Variants in SLC7A13 observed in about 807,000 individuals in gnomAD.
SLC7A13 encodes solute carrier family 7 member 13, also known as X-amino acid transporter 2.
In SLC7A13, 31 loss-of-function variants were observed where a neutral mutation model predicts 32.0. The observed-to-expected ratio is 0.97, with a 90% CI of 0.73 to 1.31. The LOEUF (loss-of-function observed/expected upper bound fraction) is 1.31. Among genes scored for constraint, SLC7A13 ranks in the 50% most tolerant of loss-of-function variants. SLC7A13 has a pLI of 0.00. For missense variants in SLC7A13, 633 were observed against 546.9 expected (o/e 1.16, Z -1.57); for synonymous variants, 232 against 206.9 (o/e 1.12, Z -1.04).
Position 86,217,500 on chromosome 8 carries a change from G to A in SLC7A13, c.1149C>T (p.Tyr383=), listed in dbSNP as rs184231310. ...LLMIGILRRR[Y]QEPNLSIPYK... is the part of the protein sequence containing the mutation. Reference sequence around the variant, plus strand: ...AAGGTATAGATAGATTGGGTTCCTGGTATCTCCGCCTTAGTATTCCTATCA... The same window carrying A: ...AAGGTATAGATAGATTGGGTTCCTGATATCTCCGCCTTAGTATTCCTATCA... Residue 383 remains tyrosine, a synonymous_variant, in exon 3 of 4, where the codon TAC becomes TAT. Coordinates refer to ENST00000297524, the MANE Select transcript of SLC7A13 (RefSeq NM_138817.3). 1 of 1,591,200 alleles carries A rather than the reference G, an allele frequency of 6.3e-7. No individual in the cohort carries two copies. The highest frequency in any genetic ancestry group is 1.2e-5 in the South Asian group (1 of 86,498).
At chr8:86,221,222 G>C (rs1338927733) in intron 2 of SLC7A13, among the ~76,000 whole-genome samples, 1 of 151,784 alleles carries the variant, frequency 6.6e-6, no homozygotes, top group African/African-American at 2.4e-5. Context: ...TTTTCTTCAA[G>C]TATCCATCAA....
rs778315531 is a variant in SLC7A13, at chr8:86,214,528, A to C, written c.1298T>G (p.Leu433Ter). 4.3e-6 allele frequency: 7 copies of C among 1,613,112 alleles called. No homozygotes were observed. Among genetic ancestry groups the C allele is most frequent in the Middle Eastern group, 1.6e-4 (1 of 6,080 alleles). The change falls in exon 4 of 4, where the codon TTA becomes TGA. Residue 433 changes from leucine (L) to a stop codon, truncating the protein, a stop_gained. Coordinates refer to ENST00000297524, the MANE Select transcript of SLC7A13 (RefSeq NM_138817.3). LOFTEE classifies it low-confidence loss of function (END_TRUNC). ...ATGTATTAAAGGTATGTAAAATAGT[A>C]ATCCGCTGAGAACTAACAGAAGCAC... ...VYVLLLVLSGLLFYIPLIHFK... is the reference protein window; with the variant it reads ...VYVLLLVLSG
chr8:86,215,314 A>G (rs1239675515), intron 3 of SLC7A13, among the ~76,000 whole-genome samples: 6 of 152,152 alleles, frequency 3.9e-5, no homozygotes, highest in Non-Finnish European at 5.9e-5. Flanking sequence ...TTCCCCAAAG[A>G]TATATATTAC....
At chr8:86,226,411 A>C (rs912741392) in intron 1 of SLC7A13, among the ~76,000 whole-genome samples, 1 of 152,136 alleles carries the variant, frequency 6.6e-6, no homozygotes, top group African/African-American at 2.4e-5. Context: ...AAAATTCACC[A>C]ATGACTTCTT....
chr8:86,226,978 A>C (rs1439247237), intron 1 of SLC7A13, among the ~76,000 whole-genome samples: 1 of 152,196 alleles, frequency 6.6e-6, no homozygotes, highest in Non-Finnish European at 1.5e-5. Flanking sequence ...ATTTGTTTAT[A>C]AGGCACAGAA....
In SLC7A13 at chr8:86,215,695, C is replaced by CA. The variant is rs11375308; in HGVS notation, c.1180-1050dup. 2.3e-3 allele frequency: 1,025 copies of CA among 438,648 alleles called. 9 individuals carry two copies. Among genetic ancestry groups the CA allele is most frequent in the African/African-American group, 0.018 (880 of 48,148 alleles). The allele number at this position is 438,648 out of a possible 1,614,324, so 27.2% of individuals were successfully genotyped here. On this transcript the variant is annotated intron_variant, in intron 3 of 3. Coordinates refer to ENST00000297524, the MANE Select transcript of SLC7A13 (RefSeq NM_138817.3). ...GGACGACAAGAATGAGACTCTGTCTCAAAAAAAAGAAAAAACAAAGAATCT... is the reference window on the plus strand; with the variant it reads ...GGACGACAAGAATGAGACTCTGTCTCAAAAAAAAAGAAAAAACAAAGAATCT...
rs542584172 is a variant in SLC7A13 at position 86,220,991 on chromosome 8, T to A, written c.817+1981A>T. ...CTAGGCAACAGAGCAAGACTCTGTT[T>A]CAAAAAAAAAAAAAAAAACTATTTC... On this transcript the variant is annotated intron_variant, in intron 2 of 3. Coordinates refer to ENST00000297524, the MANE Select transcript of SLC7A13 (RefSeq NM_138817.3). 2.4e-3 allele frequency among the ~76,000 whole-genome samples: 244 copies of A among 101,120 alleles called. 1 individual carries two copies. Among genetic ancestry groups the A allele is most frequent in the African/African-American group, 9.0e-3 (231 of 25,596 alleles). The allele number at this position is 101,120 out of a possible 152,430, so 66.3% of individuals were successfully genotyped here. A position where few individuals can be genotyped will look rare whatever the true frequency, so the allele number is the denominator to read the frequency against.
chr8:86,230,037 A>T lies in SLC7A13; in HGVS notation c.241T>A (p.Tyr81Asn). 6.2e-7 allele frequency: 1 copy of T among 1,614,154 alleles called. No homozygotes were observed. Among genetic ancestry groups the T allele is most frequent in the South Asian group, 1.1e-5 (1 of 91,084 alleles). Residue 81 changes from tyrosine to asparagine, a missense_variant, in exon 1 of 4, where the codon TAC (tyrosine) becomes AAC (asparagine). Transcript: ENST00000297524. ...CCAAAGTATCTCTTGAGAAAATAGT[A>T]TTGAGCTCCACTGCATGGGAAGCTT... ...SISFPCSGAQ[Y>N]YFLKRYFGST...
At position 86,214,545 on chromosome 8, in the gene SLC7A13, CAGAAGCACGT is replaced by C. The variant is rs766611178; in HGVS notation, c.1271_1280del (p.Tyr424CysfsTer2). On this transcript the variant is annotated frameshift_variant, in exon 4 of 4. Transcript: ENST00000297524. LOFTEE classifies it low-confidence loss of function (END_TRUNC). ...AAAATAGTAATCCGCTGAGAACTAA[CAGAAGCACGT>C]AGACATAATGCACATTTGGAGACTT... 1 of 1,613,574 alleles carries C rather than the reference CAGAAGCACGT, an allele frequency of 6.2e-7. No homozygotes were observed. Among genetic ancestry groups the C allele is most frequent in the South Asian group, 1.1e-5 (1 of 91,070 alleles).
At chr8:86,229,441 C>T in intron 1 of SLC7A13, 152 bp downstream of exon 1, 5 of 724,792 alleles carry the variant, frequency 6.9e-6, no homozygotes, top group Non-Finnish European at 1.1e-5. Flanking sequence ...GAGTAGGTAA[C>T]AAGTGCCAGG....
At position 86,229,875 on chromosome 8, in the gene SLC7A13, T is replaced by A; in HGVS notation, c.403A>T (p.Lys135Ter). 1 of 1,614,120 alleles carries A rather than the reference T, an allele frequency of 6.2e-7. No individual in the cohort carries two copies. The change falls in exon 1 of 4, where the codon AAA (lysine) becomes TAA (stop). Residue 135 changes from lysine (K) to a stop codon, truncating the protein, a stop_gained. Coordinates refer to ENST00000297524, the MANE Select transcript of SLC7A13 (RefSeq NM_138817.3). LOFTEE classifies it high-confidence loss of function. ...CACAACATGGCCAATGCCAGACATT[T>A]CTTAGGCAGCTTTGGGACAGAGCAG... ...PSCSVPKLPK[K>*]CLALAMLWIV... is the part of the protein sequence containing the mutation.
intron 3 of SLC7A13, among the ~76,000 whole-genome samples, chr8:86,216,951 C>T (rs1442383446): frequency 2.0e-5 from 3 of 152,254 alleles, no homozygotes; most frequent in South Asian, 2.1e-4. Context: ...TGCTTATTTC[C>T]TTTTCTACAA....
chr8:86,222,130 GT>G (rs1820307315), intron 2 of SLC7A13, among the ~76,000 whole-genome samples: 1 of 152,012 alleles, frequency 6.6e-6, no homozygotes, highest in Admixed American at 6.6e-5. Flanking sequence ...TTGAGGCAAA[GT>G]TTACCAGAAT....
chr8:86,214,730 G>A lies in SLC7A13; in HGVS notation c.1180-84C>T, dbSNP rs1048215733. 8 of 1,012,484 alleles carry A rather than the reference G, an allele frequency of 7.9e-6. No homozygotes were observed. The East Asian group carries it at 1.8e-4, about 23-fold the overall frequency. The allele number at this position is 1,012,484 out of a possible 1,614,324, so 62.7% of individuals were successfully genotyped here. On this transcript the variant is annotated intron_variant, in intron 3 of 3. Transcript: ENST00000297524. ...ATATTCATATAAATAAAAATGCAAA[G>A]ATACAAGCTAATTAAAGAAAACAGG...
At chr8:86,220,753 C>T (rs1319565117) in intron 2 of SLC7A13, among the ~76,000 whole-genome samples, 1 of 151,964 alleles carries the variant, frequency 6.6e-6, no homozygotes, top group African/African-American at 2.4e-5. Context: ...TCTGTAACCC[C>T]AGCACTTTGA....
At position 86,229,614 on chromosome 8, in the gene SLC7A13, C is replaced by A. The variant is rs148729888; in HGVS notation, c.664G>T (p.Ala222Ser). Reference protein sequence around the residue: ...FQGYFAYSGGACFTLIAGELK... With the variant: ...FQGYFAYSGGSCFTLIAGELK... ...TTACCTGCTATAAGTGTAAAGCATG[C>A]CCCGCCTGAATATGCAAAATATCCT... Residue 222 changes from alanine (A) to serine (S), a missense_variant, in exon 1 of 4, where the codon GCA becomes TCA. Transcript: ENST00000297524. 7 of 1,613,524 alleles carry A rather than the reference C, an allele frequency of 4.3e-6. No homozygotes were observed. The highest frequency in any genetic ancestry group is 1.7e-5 in the Admixed American group (1 of 59,970).
rs1325299131 is a variant in SLC7A13, at chr8:86,214,337, T to C, written c.*76A>G. The C allele has an allele frequency of 1.4e-5, 11 of 802,870 alleles. 1 individual carries two copies. In the South Asian group the frequency reaches 1.6e-4, roughly 12 times the overall value. The allele number at this position is 802,870 out of a possible 1,614,324, so 49.7% of individuals were successfully genotyped here. A position where few individuals can be genotyped will look rare whatever the true frequency, so the allele number is the denominator to read the frequency against. Reference sequence around the variant, plus strand: ...GAATTTCACCATGAATGTTCTATCATATGTTTAACCTTGATTTGGAATCTG... The same window carrying C: ...GAATTTCACCATGAATGTTCTATCACATGTTTAACCTTGATTTGGAATCTG... On this transcript the variant is annotated 3_prime_UTR_variant, in exon 4 of 4. Coordinates refer to ENST00000297524, the MANE Select transcript of SLC7A13 (RefSeq NM_138817.3).
Position 86,217,565 on chromosome 8 carries a change from A to T in SLC7A13, c.1084T>A (p.Tyr362Asn). Residue 362 changes from tyrosine to asparagine, a missense_variant, in exon 3 of 4, where the codon TAT (tyrosine) becomes AAT (asparagine). Transcript: ENST00000297524. ...CATAATGAACCCGTGAAAAAAATAT[A>T]GTTTATCAAATCAATTAGACTTGTT... ...ILTSLIDLIN[Y>N]IFFTGSLWSI... 1 of 1,612,980 alleles carries T rather than the reference A, an allele frequency of 6.2e-7. No homozygotes were observed. The highest frequency in any genetic ancestry group is 1.1e-5 in the South Asian group (1 of 90,910).
chr8:86,221,402 T>G (rs1002176988), intron 2 of SLC7A13, among the ~76,000 whole-genome samples: 8 of 152,194 alleles, frequency 5.3e-5, no homozygotes, highest in Non-Finnish European at 1.0e-4. Context: ...GACTGATTAT[T>G]TTCTTAATTT....
Sources: gnomAD v4.1 joint callset for allele counts (sites outside exome capture counted in the v4.1 genomes callset) on GRCh38, gnomAD v4.1.1 for gene constraint, MANE v1.5 for transcripts, NCBI Gene and HGNC (gene_info 2026-07-23, HGNC 2026-07-21) for gene names.